Variants in SELE observed in about 807,000 individuals in gnomAD.
The protein encoded by SELE is selectin E.
In SELE, 52 loss-of-function variants were observed where a neutral mutation model predicts 75.8. That is an observed-to-expected ratio of 0.69 (90% CI 0.55 to 0.86). The LOEUF is 0.86. SELE is among the 40% of genes least tolerant of loss of function. The pLI, the probability that SELE is intolerant of heterozygous loss-of-function variation, is 0.00. For missense variants in SELE, 754 were observed against 732.7 expected (o/e 1.03, Z -0.34); for synonymous variants, 285 against 258.7 (o/e 1.10, Z -0.98).
At position 169,729,539 on chromosome 1, in the gene SELE, G is replaced by A. The variant is rs142604792; in HGVS notation, c.850C>T (p.Leu284Phe). 1.2e-6 allele frequency: 2 copies of A among 1,614,178 alleles called. No individual in the cohort carries two copies. Among genetic ancestry groups the A allele is most frequent in the Non-Finnish European group, 1.7e-6 (2 of 1,180,018 alleles). ...CAATTCCCAGATGAGGTACACTGAA[G>A]GCTCTGGGCTCCCATTAGTTCAAAT... is the stretch of plus-strand genomic sequence containing the variant. ...EGFELMGAQS[L>F]QCTSSGNWDN... Residue 284 changes from leucine to phenylalanine, a missense_variant, in exon 6 of 14, where the codon CTT (leucine) becomes TTT (phenylalanine). Physicochemically the swap from Leu to Phe is conservative, Grantham distance 22. Coordinates refer to ENST00000333360, the MANE Select transcript of SELE (RefSeq NM_000450.2).
intron 2 of SELE, among the ~76,000 whole-genome samples, chr1:169,733,200 C>A (rs727909): frequency 6.6e-6 from 1 of 151,886 alleles, no homozygotes; most frequent in Admixed American, 6.6e-5. Flanking sequence ...CACTAGGTAC[C>A]TTATCCACAC....
chr1:169,729,815 A>T (rs564613772), intron 5 of SELE, 142 bp from the exon 6 acceptor site: 332 of 672,602 alleles, frequency 4.9e-4, no homozygotes, highest in Non-Finnish European at 7.2e-4. Flanking sequence ...GGACATGCAC[A>T]GCCAGAATAA....
rs758847093 is a variant in SELE at position 169,727,468 on chromosome 1, TC to T, written c.1525del (p.Glu509SerfsTer50). On this transcript the variant is annotated frameshift_variant, in exon 10 of 14. Coordinates refer to ENST00000333360, the MANE Select transcript of SELE (RefSeq NM_000450.2). LOFTEE classifies it high-confidence loss of function. Reference sequence around the variant, plus strand: ...CTTGCACACAGTGCCAAACACGGGCTCCCCACTGCAGCTCATGTTGATCTTT... The same window carrying T: ...CTTGCACACAGTGCCAAACACGGGCTCCCACTGCAGCTCATGTTGATCTTT... Reference protein sequence around the residue: ...PGKINMSCSGEPVFGTVCKFA... With the variant: ...PGKINMSCSGXPVFGTVCKFA... 1.9e-6 allele frequency: 3 copies of T among 1,613,908 alleles called. No homozygotes were observed. The African/African-American group carries it at 4.0e-5, about 22-fold the overall frequency.
At chr1:169,727,284 G>C in intron 10 of SELE, 65 bp downstream of exon 10, 2 of 1,527,290 alleles carry the variant, frequency 1.3e-6, no homozygotes, top group Non-Finnish European at 1.8e-6. Context: ...GTTGATTACT[G>C]TAACAAGATA....
In SELE at chr1:169,729,497, T is replaced by C; in HGVS notation, c.892A>G (p.Thr298Ala). The change falls in exon 6 of 14, where the codon ACG becomes GCG. Residue 298 changes from threonine (T) to alanine (A), a missense_variant. Physicochemically the swap from Thr to Ala is moderately conservative, Grantham distance 58. Coordinates refer to ENST00000333360, the MANE Select transcript of SELE (RefSeq NM_000450.2). ...SSGNWDNEKP[T>A]CKAVTCRAVR... is the part of the protein sequence containing the mutation. ...TGTGGAACAACTCTACCTTTACACG[T>C]TGGCTTCTCGTTGTCCCAATTCCCA... 3.1e-6 allele frequency: 5 copies of C among 1,614,126 alleles called. No homozygotes were observed. The highest frequency in any genetic ancestry group is 1.1e-5 in the South Asian group (1 of 91,060).
intron 11 of SELE, among the ~76,000 whole-genome samples, chr1:169,726,409 C>T (rs533134328): frequency 6.6e-6 from 1 of 152,246 alleles, no homozygotes; most frequent in African/African-American, 2.4e-5. Context: ...CCTTAGAGTG[C>T]TCATCATGGC....
Position 169,726,865 on chromosome 1 carries a change from G to A in SELE, c.1646-59C>T, listed in dbSNP as rs56064629. 1.2e-3 allele frequency: 1,501 copies of A among 1,227,498 alleles called. 6 individuals are homozygous for A. The highest frequency in any genetic ancestry group is 2.0e-3 in the South Asian group (156 of 78,480). The allele number at this position is 1,227,498 out of a possible 1,614,324, so 76.0% of individuals were successfully genotyped here. On this transcript the variant is annotated intron_variant, in intron 10 of 13. Transcript: ENST00000333360. The stretch of plus-strand genomic sequence containing the variant: ...GAAGAATTGATGTTAAAGTCTCTCC[G>A]TCCTGTCCCTTTGGCCTTTTTTCTG...
Position 169,722,809 on chromosome 1 carries a change from T to C in SELE, c.*1716A>G, listed in dbSNP as rs1458239951. 1 of 152,228 alleles carries C rather than the reference T, an allele frequency of 6.6e-6. No homozygotes were observed. Among genetic ancestry groups the C allele is most frequent in the Non-Finnish European group, 1.5e-5 (1 of 68,036 alleles). 9.4% of individuals were successfully genotyped at this position (152,228 alleles called of 1,614,324 possible). A position where few individuals can be genotyped will look rare whatever the true frequency, so the allele number is the denominator to read the frequency against. Reference sequence around the variant, plus strand: ...ACTGGTATTTCACACAGCTAATTTCTAATGCAGTTTACATAAATATTTACA... The same window carrying C: ...ACTGGTATTTCACACAGCTAATTTCCAATGCAGTTTACATAAATATTTACA... On this transcript the variant is annotated 3_prime_UTR_variant, in exon 14 of 14. Transcript: ENST00000333360.
At chr1:169,731,608 A>G (rs1382602089) in intron 4 of SELE, 24 of 444,534 alleles carry the variant, frequency 5.4e-5, no homozygotes, top group South Asian at 4.8e-4. Flanking sequence ...ACAATGAGAA[A>G]ACTGACATAG....
At chr1:169,731,995 G>A (rs1258539603) in intron 3 of SELE, 53 bp from the exon 4 acceptor site, 19 of 1,172,494 alleles carry the variant, frequency 1.6e-5, no homozygotes, top group Middle Eastern at 2.0e-4. Flanking sequence ...CTTATACTGA[G>A]TGCCTTTGAT....
rs1364611144 is a variant in SELE, at chr1:169,733,537, G to A, written c.37+39C>T. On this transcript the variant is annotated intron_variant, in intron 2 of 13. Coordinates refer to ENST00000333360, the MANE Select transcript of SELE (RefSeq NM_000450.2). ...TATTTCAGTCTGAAATATCTATAGT[G>A]CGAGAATGAGAAATCTTGGTCTAAT... 5 of 1,590,386 alleles carry A rather than the reference G, an allele frequency of 3.1e-6. No homozygotes were observed. The African/African-American group carries it at 6.7e-5, about 21-fold the overall frequency.
At chr1:169,725,600 C>T in intron 13 of SELE, 129 bp downstream of exon 13, 1 of 679,942 alleles carries the variant, frequency 1.5e-6, no homozygotes, top group Admixed American at 2.8e-5. Flanking sequence ...CTTTCCAGAA[C>T]AATACCCAGG....
chr1:169,731,286 A>G (rs1327444256), intron 4 of SELE, among the ~76,000 whole-genome samples: 1 of 152,188 alleles, frequency 6.6e-6, no homozygotes, highest in Non-Finnish European at 1.5e-5. Flanking sequence ...ACGCTGTGCT[A>G]AGGAATCTTG....
intron 10 of SELE, 35 bp from the exon 11 acceptor site, chr1:169,726,841 A>T (rs1310390061): frequency 6.8e-7 from 1 of 1,473,382 alleles, no homozygotes; most frequent in South Asian, 1.2e-5. Context: ...GGTCATGAGG[A>T]AGAATTGATG....
chr1:169,726,859 C>T, intron 10 of SELE, 53 bp from the exon 11 acceptor site: 2 of 1,280,442 alleles, frequency 1.6e-6, no homozygotes, highest in Non-Finnish European at 2.2e-6. Context: ...ATGTTAAAGT[C>T]TCTCCGTCCT....
intron 5 of SELE, 80 bp downstream of exon 5, chr1:169,730,352 G>T: frequency 7.8e-7 from 1 of 1,285,648 alleles, no homozygotes; most frequent in Non-Finnish European, 1.0e-6. Context: ...CTGAAGTTTT[G>T]AAAATGTAAG....
Position 169,727,951 on chromosome 1 carries a change from T to C in SELE, c.1280-24A>G, listed in dbSNP as rs537060258. 14 of 1,602,232 alleles carry C rather than the reference T, an allele frequency of 8.7e-6. No homozygotes were observed. The East Asian group carries it at 2.7e-4, about 31-fold the overall frequency. The stretch of plus-strand genomic sequence containing the variant: ...AGCTGGAACACACGAGAGAGCACTT[T>C]AGAAGTTTGTTTGCATCTCCAGCAA... On this transcript the variant is annotated intron_variant, in intron 8 of 13. Coordinates refer to ENST00000333360, the MANE Select transcript of SELE (RefSeq NM_000450.2).
chr1:169,724,895 G>C (rs1387483926), intron 13 of SELE, among the ~76,000 whole-genome samples: 1 of 152,156 alleles, frequency 6.6e-6, no homozygotes, highest in African/African-American at 2.4e-5. Context: ...CACAAAAAAA[G>C]TTATTTTAAT....
At chr1:169,731,630 A>T (rs1357843347) in intron 4 of SELE, 2 of 502,576 alleles carry the variant, frequency 4.0e-6, no homozygotes, top group Non-Finnish European at 7.2e-6. Flanking sequence ...GAGTTAAACT[A>T]TCTTGTCAAG....
Sources: allele counts gnomAD v4.1 joint callset (sites outside exome capture counted in the v4.1 genomes callset), GRCh38; gene constraint gnomAD v4.1.1; transcripts MANE v1.5; gene names NCBI Gene and HGNC (gene_info 2026-07-23, HGNC 2026-07-21).